ZNF268: variants seen among roughly 807,000 people sequenced by gnomAD.
ZNF268 encodes zinc finger protein 3.
ZNF268 carries 20 observed loss-of-function variants against 29.3 expected under a neutral mutation model. The observed-to-expected ratio is 0.68, with a 90% CI of 0.48 to 0.99. The LOEUF (loss-of-function observed/expected upper bound fraction) is 0.99, where lower values mean the gene tolerates loss of function less well. Among genes scored for constraint, ZNF268 ranks in the 50% least tolerant of loss-of-function variants. The probability of loss-of-function intolerance (pLI) is 0.00; values close to 1 mark genes in which losing one functional copy is unlikely to be tolerated. For missense variants in ZNF268, 1,240 were observed against 1,121.6 expected (o/e 1.11, Z -1.51); for synonymous variants, 429 against 376.9 (o/e 1.14, Z -1.60).
chr12:133,191,682 GGAGGGCTT>G, intron 4 of ZNF268, 67 bp downstream of exon 4: 1 of 1,593,748 alleles, frequency 6.3e-7, no homozygotes, highest in Non-Finnish European at 8.6e-7. Context: ...GCTGAAAACT[GGAGGGCTT>G]CTATGAAATA....
chr12:133,203,357 A>T lies in ZNF268; in HGVS notation c.1671A>T (p.Glu557Asp), dbSNP rs1282572640. 3 of 1,548,254 alleles carry T rather than the reference A, an allele frequency of 1.9e-6. No individual in the cohort carries two copies. In the South Asian group the frequency reaches 3.5e-5, roughly 18 times the overall value. ...QRIHTGENPY[E>D]CHECGKAFSR... The stretch of plus-strand genomic sequence containing the variant: ...TTCATACAGGAGAGAACCCCTATGA[A>T]TGCCATGAATGTGGGAAAGCCTTCA... Residue 557 changes from glutamate to aspartate, a missense_variant, in exon 6 of 6, where the codon GAA becomes GAT. Glu to Asp is a conservative substitution (Grantham distance 45). Transcript: ENST00000536435.
rs1049008811 is a variant in ZNF268 at position 133,205,069 on chromosome 12, A to G, written c.*539A>G. ...AGAAACCCCTAGGGAAAAAATATAT[A>G]TAGGAGTGAACATCTTATGAATGTA... On this transcript the variant is annotated 3_prime_UTR_variant, in exon 6 of 6. Coordinates refer to ENST00000536435, the MANE Select transcript of ZNF268 (RefSeq NM_003415.3). 6.7e-5 allele frequency: 10 copies of G among 148,630 alleles called. No individual in the cohort carries two copies. The highest frequency in any genetic ancestry group is 2.5e-4 in the African/African-American group (10 of 40,546). 9.2% of individuals were successfully genotyped at this position (148,630 alleles called of 1,614,324 possible).
intron 5 of ZNF268, among the ~76,000 whole-genome samples, chr12:133,193,877 C>G (rs1956534818): frequency 6.6e-6 from 1 of 152,158 alleles, no homozygotes; most frequent in African/African-American, 2.4e-5. Context: ...CACTGCTCCA[C>G]CTACATACCA....
Position 133,204,002 on chromosome 12 carries a change from A to G in ZNF268, c.2316A>G (p.Arg772=). The G allele has an allele frequency of 6.3e-7, 1 of 1,581,906 alleles. No homozygotes were observed. The highest frequency in any genetic ancestry group is 8.6e-7 in the Non-Finnish European group (1 of 1,166,520). ...NRKDQLISHQ[R]THAGEKPYGC... The stretch of plus-strand genomic sequence containing the variant: ...AAGACCAGCTCATTTCACATCAGCG[A>G]ACTCATGCAGGGGAAAAGCCTTATG... Residue 772 remains arginine, a synonymous_variant, in exon 6 of 6, where the codon CGA becomes CGG. Transcript: ENST00000536435.
chr12:133,202,728 G>C lies in ZNF268; in HGVS notation c.1042G>C (p.Val348Leu). Residue 348 changes from valine to leucine, a missense_variant, in exon 6 of 6, where the codon GTT becomes CTT. Val to Leu is a conservative substitution (Grantham distance 32, BLOSUM62 1). Coordinates refer to ENST00000536435, the MANE Select transcript of ZNF268 (RefSeq NM_003415.3). ...AACATTCAGTTTCCATTCACAGCTT[G>C]TTATACATCAGAGAATTCACACAGG... is the stretch of plus-strand genomic sequence containing the variant. ...RKTFSFHSQL[V>L]IHQRIHTGEN... is the part of the protein sequence containing the mutation. The C allele has an allele frequency of 6.2e-7, 1 of 1,611,834 alleles. No homozygotes were observed. Among genetic ancestry groups the C allele is most frequent in the Non-Finnish European group, 8.5e-7 (1 of 1,179,178 alleles).
In ZNF268 at chr12:133,203,756, C is replaced by G; in HGVS notation, c.2070C>G (p.His690Gln). 1.9e-6 allele frequency: 3 copies of G among 1,561,070 alleles called. No homozygotes were observed. Among genetic ancestry groups the G allele is most frequent in the Non-Finnish European group, 2.6e-6 (3 of 1,159,746 alleles). ...AGCTCATTGTACATCAGAGAAGTCA[C>G]ACAGGAGTAAAACCATATGGATGCA... Reference protein sequence around the residue: ...KSQLIVHQRSHTGVKPYGCSE... With the variant: ...KSQLIVHQRSQTGVKPYGCSE... The change falls in exon 6 of 6, where the codon CAC (histidine) becomes CAG (glutamine). Residue 690 changes from histidine to glutamine, a missense_variant. Transcript: ENST00000536435.
In ZNF268 at chr12:133,203,068, T is replaced by C. The variant is rs1442648745; in HGVS notation, c.1382T>C (p.Val461Ala). The C allele has an allele frequency of 2.6e-6, 4 of 1,538,228 alleles. No homozygotes were observed. Among genetic ancestry groups the C allele is most frequent in the Non-Finnish European group, 3.5e-6 (4 of 1,147,138 alleles). ...KAFTFKSQLI[V>A]HQGIHTGVKP... ...TTTACATTCAAGTCACAGCTCATTG[T>C]ACATCAGGGGATTCACACAGGAGTA... is the stretch of plus-strand genomic sequence containing the variant. The change falls in exon 6 of 6, where the codon GTA becomes GCA. Residue 461 changes from valine to alanine, a missense_variant. Physicochemically the swap from Val to Ala is moderately conservative, Grantham distance 64. Transcript: ENST00000536435.
chr12:133,191,642 T>TGA (rs1405902846), intron 4 of ZNF268, 27 bp downstream of exon 4: 1 of 1,610,258 alleles, frequency 6.2e-7, no homozygotes, highest in East Asian at 2.2e-5. Context: ...TGAGGAGGAG[T>TGA]GTGCTCGATC....
Position 133,203,734 on chromosome 12 carries a change from T to A in ZNF268, c.2048T>A (p.Leu683His). The A allele has an allele frequency of 1.3e-6, 2 of 1,553,908 alleles. No homozygotes were observed. The highest frequency in any genetic ancestry group is 1.7e-6 in the Non-Finnish European group (2 of 1,155,930). Residue 683 changes from leucine to histidine, a missense_variant, in exon 6 of 6, where the codon CTC becomes CAC. Physicochemically the swap from Leu to His is moderately conservative, Grantham distance 99. Transcript: ENST00000536435. Reference protein sequence around the residue: ...CAKTFSLKSQLIVHQRSHTGV... With the variant: ...CAKTFSLKSQHIVHQRSHTGV... Reference sequence around the variant, plus strand: ...AAAACCTTTAGTTTGAAGTCCCAGCTCATTGTACATCAGAGAAGTCACACA... The same window carrying A: ...AAAACCTTTAGTTTGAAGTCCCAGCACATTGTACATCAGAGAAGTCACACA...
At position 133,203,052 on chromosome 12, in the gene ZNF268, A is replaced by G; in HGVS notation, c.1366A>G (p.Lys456Glu). ...CSDCGKAFTF[K>E]SQLIVHQGIH... Reference sequence around the variant, plus strand: ...TGATTGTGGAAAAGCCTTTACATTCAAGTCACAGCTCATTGTACATCAGGG... The same window carrying G: ...TGATTGTGGAAAAGCCTTTACATTCGAGTCACAGCTCATTGTACATCAGGG... Residue 456 changes from lysine to glutamate, a missense_variant, in exon 6 of 6, where the codon AAG becomes GAG. Lys to Glu is a moderately conservative substitution (Grantham distance 56). This residue lies in a region of ZNF268 where 1,177 missense variants were observed against 1,039.6 expected (regional missense o/e 1.13). Transcript: ENST00000536435. The G allele has an allele frequency of 6.5e-7, 1 of 1,539,208 alleles. No homozygotes were observed. The highest frequency in any genetic ancestry group is 2.4e-5 in the East Asian group (1 of 41,006).
rs1163240365 is a variant in ZNF268 at position 133,207,305 on chromosome 12, GTTTAAAAATCCATATTT to G, written c.*2776_*2792del. On this transcript the variant is annotated 3_prime_UTR_variant, in exon 6 of 6. Transcript: ENST00000536435. ...TTGCAAACCATATTTGTGAACATAG[GTTTAAAAATCCATATTT>G]GTGAACATAGGTTTAAAAATCCATA... 2 of 23,098 alleles carry G rather than the reference GTTTAAAAATCCATATTT, an allele frequency of 8.7e-5. No homozygotes were observed. Among genetic ancestry groups the G allele is most frequent in the Non-Finnish European group, 2.0e-4 (2 of 9,912 alleles). The allele number at this position is 23,098 out of a possible 1,614,324, so 1.4% of individuals were successfully genotyped here. A position where few individuals can be genotyped will look rare whatever the true frequency, so the allele number is the denominator to read the frequency against.
At chr12:133,191,406 A>G in intron 3 of ZNF268, 83 bp from the exon 4 acceptor site, 3 of 1,538,098 alleles carry the variant, frequency 2.0e-6, no homozygotes, top group Non-Finnish European at 2.7e-6. Context: ...AAAGTTAAAC[A>G]TAAATAATGG....
Position 133,204,687 on chromosome 12 carries a change from A to G in ZNF268, c.*157A>G. 2 of 564,560 alleles carry G rather than the reference A, an allele frequency of 3.5e-6. No homozygotes were observed. The highest frequency in any genetic ancestry group is 5.9e-6 in the Non-Finnish European group (2 of 337,828). 35.0% of individuals were successfully genotyped at this position (564,560 alleles called of 1,614,324 possible). ...CAGCATATGGAAAGGCATCCACAGA[A>G]AGCTGTTCTTTACATGCAAAAAGAT... On this transcript the variant is annotated 3_prime_UTR_variant, in exon 6 of 6. Coordinates refer to ENST00000536435, the MANE Select transcript of ZNF268 (RefSeq NM_003415.3).
chr12:133,182,708 G>A (rs1370823523), intron 2 of ZNF268, among the ~76,000 whole-genome samples: 1 of 152,204 alleles, frequency 6.6e-6, no homozygotes, highest in Non-Finnish European at 1.5e-5. Context: ...CTAGGAAAAA[G>A]AAGTAACGTG....
chr12:133,190,545 CAT>C (rs1319148225), intron 3 of ZNF268, among the ~76,000 whole-genome samples: 8 of 152,172 alleles, frequency 5.3e-5, no homozygotes, highest in Non-Finnish European at 1.2e-4. Flanking sequence ...TCCCTAATGA[CAT>C]ATGGTATTGA....
intron 5 of ZNF268, among the ~76,000 whole-genome samples, chr12:133,199,524 T>C (rs1461734894): frequency 6.6e-6 from 1 of 151,836 alleles, no homozygotes; most frequent in Non-Finnish European, 1.5e-5. Context: ...CTGCCCGGCT[T>C]TGGTATCAGG....
At chr12:133,188,095 C>G (rs1381078443) in intron 3 of ZNF268, 23 bp downstream of exon 3, 1 of 1,539,970 alleles carries the variant, frequency 6.5e-7, no homozygotes, top group South Asian at 1.2e-5. Context: ...TTTGTTTATT[C>G]CTAGTGTTTT....
chr12:133,190,713 C>T (rs1956446950), intron 3 of ZNF268, among the ~76,000 whole-genome samples: 3 of 152,206 alleles, frequency 2.0e-5, no homozygotes, highest in African/African-American at 7.2e-5. Context: ...ACAGATTTCA[C>T]CTGACACTGT....
At chr12:133,192,155 T>C in intron 5 of ZNF268, 152 bp downstream of exon 5, 1 of 601,386 alleles carries the variant, frequency 1.7e-6, no homozygotes, top group Non-Finnish European at 2.8e-6. Flanking sequence ...TTGCCCAGGC[T>C]GGGGTGCAGT....
Sources: gnomAD v4.1 joint callset for allele counts (sites outside exome capture counted in the v4.1 genomes callset) on GRCh38, gnomAD v4.1.1 for gene constraint, gnomAD v4.1.1 regional missense constraint, MANE v1.5 for transcripts, NCBI Gene and HGNC (gene_info 2026-07-23, HGNC 2026-07-21) for gene names.